Variants in MOCS2 observed in about 807,000 individuals in gnomAD.
The protein encoded by MOCS2 is molybdopterin synthase catalytic subunit.
MOCS2 carries 13 observed loss-of-function variants against 21.9 expected under a neutral mutation model. That is an observed-to-expected ratio of 0.59 (90% CI 0.39 to 0.94). MOCS2 has a LOEUF of 0.94. Among genes scored for constraint, MOCS2 ranks in the 40% least tolerant of loss-of-function variants. The pLI is 0.00. For missense variants in MOCS2, 227 were observed against 218.3 expected (o/e 1.04, Z -0.25); for synonymous variants, 92 against 80.8 (o/e 1.14, Z -0.74).
rs888623142 is a variant in MOCS2, at chr5:53,098,223, T to C, written c.*379A>G. The C allele has an allele frequency of 6.0e-5, 13 of 216,152 alleles. No individual in the cohort carries two copies. The highest frequency in any genetic ancestry group is 3.0e-4 in the African/African-American group (13 of 43,640). 13.4% of individuals were successfully genotyped at this position (216,152 alleles called of 1,614,324 possible). A position where few individuals can be genotyped will look rare whatever the true frequency, so the allele number is the denominator to read the frequency against. Reference sequence around the variant, plus strand: ...TAACAATGCTCTCCCAGAACCGGGATGGGGGGCGGTGAGGTGGGGTTGGTG... The same window carrying C: ...TAACAATGCTCTCCCAGAACCGGGACGGGGGGCGGTGAGGTGGGGTTGGTG... On this transcript the variant is annotated 3_prime_UTR_variant, in exon 7 of 7. Transcript: ENST00000396954.
At position 53,098,519 on chromosome 5, in the gene MOCS2, G is replaced by T; in HGVS notation, c.*83C>A. The T allele has an allele frequency of 8.2e-7, 1 of 1,220,138 alleles. No homozygotes were observed. The allele number at this position is 1,220,138 out of a possible 1,614,324, so 75.6% of individuals were successfully genotyped here. ...AGATTGTGCTTCAGTAAACTATCCTGATGTGGAGAGAAAAAAATCAAAATG... is the reference window on the plus strand; with the variant it reads ...AGATTGTGCTTCAGTAAACTATCCTTATGTGGAGAGAAAAAAATCAAAATG... On this transcript the variant is annotated 3_prime_UTR_variant, in exon 7 of 7. Coordinates refer to ENST00000396954, the MANE Select transcript of MOCS2 (RefSeq NM_004531.5).
At position 53,098,661 on chromosome 5, in the gene MOCS2, A is replaced by G; in HGVS notation, c.508T>C (p.Tyr170His). ...CCTTTCCAAGTTGATGACTCTTCGT[A>G]TATTTCCTAAAAAACAAAATCATAA... ...AKVPIWKKEI[Y>H]EESSTWKGNK... is the part of the protein sequence containing the mutation. The change falls in exon 7 of 7, where the codon TAC becomes CAC. Residue 170 changes from tyrosine (Y) to histidine (H), a missense_variant. Tyr to His is a moderately conservative substitution (Grantham distance 83, BLOSUM62 2). Coordinates refer to ENST00000396954, the MANE Select transcript of MOCS2 (RefSeq NM_004531.5). 1.9e-6 allele frequency: 3 copies of G among 1,613,182 alleles called. No homozygotes were observed. Among genetic ancestry groups the G allele is most frequent in the South Asian group, 1.1e-5 (1 of 91,060 alleles).
In MOCS2 at chr5:53,109,562, G is replaced by A. The variant is rs913913035; in HGVS notation, c.-481C>T. The stretch of plus-strand genomic sequence containing the variant: ...CAGGAAGGGCCCGGGGGCGGGGGCG[G>A]GGGCGCCCCCGAACCCAAGACGCCG... On this transcript the variant is annotated 5_prime_UTR_variant, in exon 1 of 7. Transcript: ENST00000396954. 2.1e-6 allele frequency: 3 copies of A among 1,408,210 alleles called. No individual in the cohort carries two copies. Among genetic ancestry groups the A allele is most frequent in the Non-Finnish European group, 2.8e-6 (3 of 1,081,082 alleles). 87.2% of individuals were successfully genotyped at this position (1,408,210 alleles called of 1,614,324 possible).
intron 4 of MOCS2, 148 bp downstream of exon 4, chr5:53,101,949 G>A: frequency 2.6e-6 from 2 of 773,154 alleles, no homozygotes; most frequent in South Asian, 1.7e-5. Flanking sequence ...AACAAAACAA[G>A]AACTAAAAAA....
At position 53,102,183 on chromosome 5, in the gene MOCS2, A is replaced by G. The variant is rs146784991; in HGVS notation, c.140T>C (p.Ile47Thr). 7 of 1,612,424 alleles carry G rather than the reference A, an allele frequency of 4.3e-6. No individual in the cohort carries two copies. Among genetic ancestry groups the G allele is most frequent in the Admixed American group, 1.7e-5 (1 of 59,970 alleles). ...DEVEEKSKDV[I>T]NFTAEKLSVD... ...TGAAAGTTTCTCGGCAGTAAAGTTT[A>G]TAACATCTTTAGATTTCTCTTCAAC... is the stretch of plus-strand genomic sequence containing the variant. The change falls in exon 4 of 7, where the codon ATA (isoleucine) becomes ACA (threonine). Residue 47 changes from isoleucine to threonine, a missense_variant. Physicochemically the swap from Ile to Thr is moderately conservative, Grantham distance 89 (BLOSUM62 -1). Transcript: ENST00000396954.
chr5:53,098,707 T>C, intron 6 of MOCS2, 40 bp from the exon 7 acceptor site: 2 of 1,310,202 alleles, frequency 1.5e-6, no homozygotes, highest in Non-Finnish European at 2.2e-6. Flanking sequence ...AAATAGACCA[T>C]TCTACTATAC....
chr5:53,108,389 CA>C (rs1175222834), intron 2 of MOCS2, 132 bp downstream of exon 2: 522 of 886,070 alleles, frequency 5.9e-4, no homozygotes, highest in East Asian at 1.9e-3. Context: ...TCAGGTGTTC[CA>C]AAAAAAATAC....
intron 6 of MOCS2, among the ~76,000 whole-genome samples, chr5:53,099,175 A>G (rs1740838682): frequency 6.6e-6 from 1 of 152,198 alleles, no homozygotes; most frequent in Non-Finnish European, 1.5e-5. Flanking sequence ...TTCTGTAGGG[A>G]GAGGAATTCA....
At chr5:53,101,814 G>T (rs1402371334) in intron 4 of MOCS2, among the ~76,000 whole-genome samples, 1 of 152,078 alleles carries the variant, frequency 6.6e-6, no homozygotes, top group Admixed American at 6.6e-5. Flanking sequence ...TATGTTCCCA[G>T]GACTATCAAG....
chr5:53,101,367 A>G lies in MOCS2; in HGVS notation c.369T>C (p.His123=). The G allele has an allele frequency of 6.2e-7, 1 of 1,613,892 alleles. No individual in the cohort carries two copies. The highest frequency in any genetic ancestry group is 8.5e-7 in the Non-Finnish European group (1 of 1,179,886). The part of the protein sequence containing the change: ...KWPVKHIAVF[H]RLGLVPVSEA... Reference sequence around the variant, plus strand: ...GATAAAGGAAATCATACCCAAGTCTATGGAACACTGCTATGTGTTTGACTG... The same window carrying G: ...GATAAAGGAAATCATACCCAAGTCTGTGGAACACTGCTATGTGTTTGACTG... Residue 123 remains histidine, a synonymous_variant, in exon 5 of 7, where the codon CAT becomes CAC. Coordinates refer to ENST00000396954, the MANE Select transcript of MOCS2 (RefSeq NM_004531.5).
Position 53,100,454 on chromosome 5 carries a change from T to G in MOCS2, c.458A>C (p.Tyr153Ser). 6.2e-7 allele frequency: 1 copy of G among 1,613,918 alleles called. No homozygotes were observed. Among genetic ancestry groups the G allele is most frequent in the African/African-American group, 1.3e-5 (1 of 75,044 alleles). The change falls in exon 6 of 7, where the codon TAT (tyrosine) becomes TCT (serine). Residue 153 changes from tyrosine (Y) to serine (S), a missense_variant. Coordinates refer to ENST00000396954, the MANE Select transcript of MOCS2 (RefSeq NM_004531.5). ...HRAASLEAVS[Y>S]AIDTLKAKVP... is the part of the protein sequence containing the mutation. ...CTTGGCTTTTAAAGTATCAATGGCA[T>G]AGCTCACAGCTTCAAGAGATGCAGC...
intron 6 of MOCS2, among the ~76,000 whole-genome samples, chr5:53,098,909 C>T (rs1471413812): frequency 6.6e-6 from 1 of 152,100 alleles, no homozygotes; most frequent in African/African-American, 2.4e-5. Flanking sequence ...ATATGCTTTT[C>T]CAAAGGCAGA....
chr5:53,109,580 A>C lies in MOCS2; in HGVS notation c.-499T>G. 1 of 1,432,830 alleles carries C rather than the reference A, an allele frequency of 7.0e-7. No homozygotes were observed. Among genetic ancestry groups the C allele is most frequent in the Non-Finnish European group, 9.2e-7 (1 of 1,089,510 alleles). The allele number at this position is 1,432,830 out of a possible 1,614,324, so 88.8% of individuals were successfully genotyped here. A position where few individuals can be genotyped will look rare whatever the true frequency, so the allele number is the denominator to read the frequency against. ...GGGGGCGGGGGCGCCCCCGAACCCAAGACGCCGGCCAGGTTGGGGGCTAGT... is the reference window on the plus strand; with the variant it reads ...GGGGGCGGGGGCGCCCCCGAACCCACGACGCCGGCCAGGTTGGGGGCTAGT... On this transcript the variant is annotated 5_prime_UTR_variant, in exon 1 of 7. Transcript: ENST00000396954.
chr5:53,104,156 A>C (rs898429668), intron 3 of MOCS2, among the ~76,000 whole-genome samples: 1 of 152,210 alleles, frequency 6.6e-6, no homozygotes, highest in Non-Finnish European at 1.5e-5. Flanking sequence ...CCTTTCCACC[A>C]CGGAAACAGC....
In MOCS2 at chr5:53,097,657, G is replaced by A. The variant is rs1201691861; in HGVS notation, c.*945C>T. ...CAGAAGAGGGGACTATGTGAGCTGA[G>A]GAATATGTTAATTAGTTGGATTATG... On this transcript the variant is annotated 3_prime_UTR_variant, in exon 7 of 7. Coordinates refer to ENST00000396954, the MANE Select transcript of MOCS2 (RefSeq NM_004531.5). 2 of 152,046 alleles carry A rather than the reference G, an allele frequency of 1.3e-5. No individual in the cohort carries two copies. Among genetic ancestry groups the A allele is most frequent in the East Asian group, 3.9e-4 (2 of 5,194 alleles). The allele number at this position is 152,046 out of a possible 1,614,324, so 9.4% of individuals were successfully genotyped here.
chr5:53,101,295 C>G, intron 5 of MOCS2, 64 bp downstream of exon 5: 1 of 1,460,328 alleles, frequency 6.8e-7, no homozygotes. Context: ...ATTCAAGAAT[C>G]AGAGTTAGTA....
At chr5:53,099,173 G>A (rs1187984305) in intron 6 of MOCS2, among the ~76,000 whole-genome samples, 1 of 152,126 alleles carries the variant, frequency 6.6e-6, no homozygotes, top group East Asian at 1.9e-4. Flanking sequence ...ATTTCTGTAG[G>A]GAGAGGAATT....
In MOCS2 at chr5:53,109,738, G is replaced by A. The variant is rs773335153; in HGVS notation, c.-657C>T. On this transcript the variant is annotated 5_prime_UTR_variant, in exon 1 of 7. Transcript: ENST00000396954. ...TGGCACAGCGGCACCATCCCGCCTA[G>A]GACAGCGGGACCGAATCACGGCCGC... is the stretch of plus-strand genomic sequence containing the variant. 22 of 1,549,594 alleles carry A rather than the reference G, an allele frequency of 1.4e-5. No homozygotes were observed. The highest frequency in any genetic ancestry group is 5.5e-5 in the African/African-American group (4 of 73,008).
At chr5:53,103,828 A>G (rs1006807089) in intron 3 of MOCS2, among the ~76,000 whole-genome samples, 3 of 152,218 alleles carry the variant, frequency 2.0e-5, no homozygotes, top group East Asian at 3.9e-4. Context: ...GACCTGAAAG[A>G]TAAGGAGGAA....
Sources: allele counts gnomAD v4.1 joint callset (sites outside exome capture counted in the v4.1 genomes callset), GRCh38; gene constraint gnomAD v4.1.1; transcripts MANE v1.5; gene names NCBI Gene and HGNC (gene_info 2026-07-23, HGNC 2026-07-21).